Variants in PCDHGA3 observed in about 807,000 individuals in gnomAD.
PCDHGA3 encodes protocadherin gamma subfamily A, 3.
Under a neutral mutation model 58.5 loss-of-function variants are expected in PCDHGA3, and 40 were observed. The ratio of observed to expected loss-of-function variants is 0.68; its 90% CI spans 0.53 to 0.89. The LOEUF (loss-of-function observed/expected upper bound fraction) is 0.89, where lower values mean the gene tolerates loss of function less well. Among genes scored for constraint, PCDHGA3 ranks in the 40% least tolerant of loss-of-function variants. The pLI is 0.00. For missense variants in PCDHGA3, 1,223 were observed against 1,195.9 expected (o/e 1.02, Z -0.33); for synonymous variants, 530 against 525.7 (o/e 1.01, Z -0.11).
intron 1 of PCDHGA3, chr5:141,365,975 A>T (rs1280013526): frequency 6.2e-7 from 1 of 1,614,108 alleles, no homozygotes; most frequent in Non-Finnish European, 8.5e-7. Context: ...CGTGTCGCTG[A>T]GCCTGTTTGT....
At chr5:141,355,088 C>T (rs1759711689) in intron 1 of PCDHGA3, 2 of 1,465,708 alleles carry the variant, frequency 1.4e-6, no homozygotes, top group Admixed American at 2.5e-5. Flanking sequence ...AAGCGGAAGC[C>T]CTGAGAGCTC....
chr5:141,412,983 G>A (rs1372992044), intron 1 of PCDHGA3: 1 of 557,334 alleles, frequency 1.8e-6, no homozygotes, highest in Admixed American at 3.6e-5. Context: ...CGCAGCCAGA[G>A]CTCAATCCGG....
chr5:141,506,177 G>A (rs1024892091), intron 3 of PCDHGA3, among the ~76,000 whole-genome samples: 16 of 152,142 alleles, frequency 1.1e-4, no homozygotes, highest in Admixed American at 4.6e-4. Flanking sequence ...TAAGCTGGGC[G>A]TGGTGGCTCA....
chr5:141,374,643 A>G (rs1283839211), intron 1 of PCDHGA3: 1 of 1,612,916 alleles, frequency 6.2e-7, no homozygotes, highest in Admixed American at 1.7e-5. Flanking sequence ...AGCGAAGCCC[A>G]TGGGCCCAAG....
At chr5:141,422,617 G>T (rs758903894) in intron 1 of PCDHGA3, 3 of 1,613,524 alleles carry the variant, frequency 1.9e-6, no homozygotes, top group Non-Finnish European at 2.5e-6. Context: ...CTACATTCCC[G>T]AAAACAACCC....
At position 141,485,301 on chromosome 5, in the gene PCDHGA3, C is replaced by T; in HGVS notation, c.2425-9506C>T. 1 of 1,614,124 alleles carries T rather than the reference C, an allele frequency of 6.2e-7. No homozygotes were observed. The highest frequency in any genetic ancestry group is 1.1e-5 in the South Asian group (1 of 91,082). The stretch of plus-strand genomic sequence containing the variant: ...GTCCCAGAGGAGTCACAGGAAGGGA[C>T]TTTTGTAGGGAATGTCGCTCAAGAT... On this transcript the variant is annotated intron_variant, in intron 1 of 3. Coordinates refer to ENST00000253812, the MANE Select transcript of PCDHGA3 (RefSeq NM_018916.4). This position sits in a 1 kb window ranked among gnomAD's most constrained non-coding sequence, Gnocchi z 5.7.
intron 1 of PCDHGA3, among the ~76,000 whole-genome samples, chr5:141,381,826 C>CTTCTTTT (rs1777532522): frequency 2.4e-4 from 18 of 74,296 alleles, no homozygotes; most frequent in Admixed American, 1.2e-3. Context: ...CTTTCTTCTT[C>CTTCTTTT]TTTTTTTTTT....
At chr5:141,410,636 T>G (rs1050547360) in intron 1 of PCDHGA3, 1 of 1,599,982 alleles carries the variant, frequency 6.3e-7, no homozygotes, top group Admixed American at 1.7e-5. Context: ...TTTCTCTTTT[T>G]TGTGTGTGAT....
At chr5:141,410,058 T>C in intron 1 of PCDHGA3, 1 of 1,613,016 alleles carries the variant, frequency 6.2e-7, no homozygotes, top group Non-Finnish European at 8.5e-7. Context: ...CTCTTCAGCC[T>C]GGGGCTGCGC....
At chr5:141,428,552 T>TC in intron 1 of PCDHGA3, 2 of 244,422 alleles carry the variant, frequency 8.2e-6, no homozygotes, top group African/African-American at 2.2e-5. Context: ...CCAGAAACAG[T>TC]CCCCCCACAA....
rs1460175237 is a variant in PCDHGA3, at chr5:141,485,185, G to A, written c.2425-9622G>A. ...AGCGGGCGGCAGCAATGCTCCGCAAGGTGAGAAGCTGGACAGAAATCTGGC... is the reference window on the plus strand; with the variant it reads ...AGCGGGCGGCAGCAATGCTCCGCAAAGTGAGAAGCTGGACAGAAATCTGGC... On this transcript the variant is annotated intron_variant, in intron 1 of 3. Transcript: ENST00000253812. This position sits in a 1 kb window ranked among gnomAD's most constrained non-coding sequence, Gnocchi z 5.7. 3.1e-6 allele frequency: 5 copies of A among 1,613,528 alleles called. No individual in the cohort carries two copies. Among genetic ancestry groups the A allele is most frequent in the African/African-American group, 2.7e-5 (2 of 75,052 alleles).
intron 1 of PCDHGA3, among the ~76,000 whole-genome samples, chr5:141,435,710 C>T (rs1033703743): frequency 1.3e-5 from 2 of 152,148 alleles, no homozygotes; most frequent in Admixed American, 6.5e-5. Flanking sequence ...TGGTTACAGA[C>T]ACTGAATGCT....
intron 1 of PCDHGA3, among the ~76,000 whole-genome samples, chr5:141,447,303 C>G (rs1328783075): frequency 6.6e-6 from 1 of 151,990 alleles, no homozygotes; most frequent in Non-Finnish European, 1.5e-5. Context: ...CCACACCCGG[C>G]TAATTTTTGT....
At chr5:141,360,096 T>A in intron 1 of PCDHGA3, 1 of 1,526,388 alleles carries the variant, frequency 6.6e-7, no homozygotes, top group Non-Finnish European at 8.8e-7. Flanking sequence ...CCCGGAAGGC[T>A]TATTCCTCCT....
chr5:141,421,312 GC>G, intron 1 of PCDHGA3: 1 of 1,613,748 alleles, frequency 6.2e-7, no homozygotes, highest in Non-Finnish European at 8.5e-7. Flanking sequence ...GGGGTTCCGG[GC>G]CAGGCAGATC....
intron 1 of PCDHGA3, chr5:141,400,157 C>G (rs778405500): frequency 3.7e-6 from 6 of 1,614,050 alleles, no homozygotes; most frequent in African/African-American, 1.3e-5. Context: ...CGCCCTGTAC[C>G]CTCTGACCCC....
chr5:141,461,230 G>T (rs945407206), intron 1 of PCDHGA3, among the ~76,000 whole-genome samples: 2 of 152,024 alleles, frequency 1.3e-5, no homozygotes, highest in African/African-American at 4.8e-5. Flanking sequence ...TTCCATAGAG[G>T]TTGTACTAAT....
At chr5:141,450,006 CTTTTTTT>C (rs1554136305) in intron 1 of PCDHGA3, among the ~76,000 whole-genome samples, 12 of 132,986 alleles carry the variant, frequency 9.0e-5, no homozygotes, top group Non-Finnish European at 1.7e-4. Context: ...TGCCATGTCT[CTTTTTTT>C]TTTTTTTTTT....
intron 1 of PCDHGA3, chr5:141,360,961 G>A (rs1761819904): frequency 1.2e-6 from 2 of 1,613,940 alleles, no homozygotes; most frequent in Non-Finnish European, 8.5e-7. Context: ...CATAAACGCA[G>A]AGATCACCTA....
Sources: gnomAD v4.1 joint callset for allele counts (sites outside exome capture counted in the v4.1 genomes callset) on GRCh38, gnomAD v4.1.1 for gene constraint, Gnocchi (gnomAD v3.1) non-coding constraint, MANE v1.5 for transcripts, NCBI Gene and HGNC (gene_info 2026-07-23, HGNC 2026-07-21) for gene names.